Variants in TACC1 observed in about 807,000 individuals in gnomAD.
TACC1 encodes transforming acidic coiled-coil-containing protein 1.
A neutral mutation model predicts 84.4 loss-of-function variants in TACC1; 48 were observed. The observed-to-expected ratio is 0.57, with a 90% CI of 0.45 to 0.72. The LOEUF (loss-of-function observed/expected upper bound fraction) is 0.72, where lower values mean the gene tolerates loss of function less well. Among genes scored for constraint, TACC1 ranks in the 30% least tolerant of loss-of-function variants. The pLI is 0.00. For missense variants in TACC1, 920 were observed against 973.0 expected, an observed-to-expected ratio of 0.95 and a Z score of 0.72; for synonymous variants, 372 against 376.3, an observed-to-expected ratio of 0.99 and a Z score of 0.13.
chr8:38,842,587 A>C, intron 10 of TACC1, 140 bp downstream of exon 10: 1 of 967,266 alleles, frequency 1.0e-6, no homozygotes, highest in South Asian at 2.0e-5. Flanking sequence ...TGTATCCTCT[A>C]TTCCAGTGAA....
chr8:38,764,101 T>C (rs143962484), intron 3 of TACC1, among the ~76,000 whole-genome samples: 4,883 of 152,212 alleles, frequency 0.032, 263 homozygotes, highest in African/African-American at 0.11. Flanking sequence ...TTTTTGAGAC[T>C]GAATCTCACT....
intron 3 of TACC1, among the ~76,000 whole-genome samples, chr8:38,766,040 G>A (rs1812187310): frequency 1.3e-5 from 2 of 152,140 alleles, no homozygotes; most frequent in Admixed American, 1.3e-4. Context: ...TTTATTTTTT[G>A]TAATAATAGG....
chr8:38,820,184 A>G lies in TACC1; in HGVS notation c.940A>G (p.Arg314Gly), dbSNP rs1826401442. 2 of 1,614,130 alleles carry G rather than the reference A, an allele frequency of 1.2e-6. No homozygotes were observed. The highest frequency in any genetic ancestry group is 2.2e-5 in the East Asian group (1 of 44,878). The part of the protein sequence containing the change: ...DSGVELGEES[R>G]SSPLKLEFDF... ...AGGGGTTGAGCTGGGGGAGGAGTCG[A>G]GGAGCTCACCTCTCAAGCTTGAGTT... is the stretch of plus-strand genomic sequence containing the variant. The change falls in exon 3 of 13, where the codon AGG becomes GGG. Residue 314 changes from arginine (R) to glycine (G), a missense_variant. Transcript: ENST00000317827.
intron 3 of TACC1, among the ~76,000 whole-genome samples, chr8:38,760,083 G>C (rs1444266966): frequency 6.6e-6 from 1 of 151,796 alleles, no homozygotes; most frequent in Non-Finnish European, 1.5e-5. Flanking sequence ...ATCAATGCTG[G>C]CATTTGTCTT....
At chr8:38,748,337 G>A (rs1808430586) in intron 3 of TACC1, among the ~76,000 whole-genome samples, 1 of 151,884 alleles carries the variant, frequency 6.6e-6, no homozygotes, top group South Asian at 2.1e-4. Flanking sequence ...AGAATGAAAG[G>A]AAGAAATAGG....
intron 2 of TACC1, among the ~76,000 whole-genome samples, chr8:38,812,394 G>A (rs979108634): frequency 1.3e-5 from 2 of 152,050 alleles, no homozygotes; most frequent in South Asian, 2.1e-4. Flanking sequence ...TGTCACCCCC[G>A]GCGGCGGCCC....
chr8:38,825,346 T>G lies in TACC1; in HGVS notation c.1430T>G (p.Leu477Arg), dbSNP rs1386882460. 20 of 1,614,054 alleles carry G rather than the reference T, an allele frequency of 1.2e-5. No homozygotes were observed. The highest frequency in any genetic ancestry group is 1.7e-5 in the Non-Finnish European group (20 of 1,180,026). Reference protein sequence around the residue: ...CKVKKHETQSLALDACSRDEG... With the variant: ...CKVKKHETQSRALDACSRDEG... ...GTGAAGAAGCATGAAACTCAGTCTC[T>G]CGCCCTGGATGCATGTTCTCGGGTG... The change falls in exon 4 of 13, where the codon CTC becomes CGC. Residue 477 changes from leucine (L) to arginine (R), a missense_variant. This residue lies in a region of TACC1 where 762 missense variants were observed against 747.3 expected (regional missense o/e 1.02). Coordinates refer to ENST00000317827, the MANE Select transcript of TACC1 (RefSeq NM_006283.3).
chr8:38,790,018 T>G (rs1337923296), intron 2 of TACC1, among the ~76,000 whole-genome samples: 1 of 152,222 alleles, frequency 6.6e-6, no homozygotes, highest in African/African-American at 2.4e-5. Context: ...ACAGAAATTA[T>G]TCTCTCACAG....
intron 3 of TACC1, among the ~76,000 whole-genome samples, chr8:38,773,141 C>T (rs1222189822): frequency 6.6e-6 from 1 of 151,870 alleles, no homozygotes; most frequent in Non-Finnish European, 1.5e-5. Flanking sequence ...GCCTGACCAA[C>T]ATGGTGAAAC....
chr8:38,741,735 C>T (rs1290836092), intron 1 of TACC1, among the ~76,000 whole-genome samples: 3 of 152,168 alleles, frequency 2.0e-5, no homozygotes, highest in African/African-American at 7.2e-5. Context: ...ACTGCACCAG[C>T]TCACGACTAC....
intron 1 of TACC1, among the ~76,000 whole-genome samples, chr8:38,739,247 A>T (rs921083095): frequency 2.0e-5 from 3 of 152,212 alleles, no homozygotes; most frequent in Non-Finnish European, 1.5e-5. Flanking sequence ...ACTGATGTCT[A>T]TAACTCTAAT....
chr8:38,754,782 C>T (rs745487980), intron 3 of TACC1, among the ~76,000 whole-genome samples: 5 of 152,166 alleles, frequency 3.3e-5, no homozygotes, highest in Admixed American at 6.5e-5. Flanking sequence ...TTATGTCTAC[C>T]ATGTGTCAAC....
chr8:38,842,759 C>G (rs372341958), intron 10 of TACC1, among the ~76,000 whole-genome samples: 1 of 152,210 alleles, frequency 6.6e-6, no homozygotes, highest in African/African-American at 2.4e-5. Flanking sequence ...CAGGTGAATT[C>G]TAGAAATGTT....
At chr8:38,790,703 A>G (rs1313001181) in intron 2 of TACC1, among the ~76,000 whole-genome samples, 2 of 152,186 alleles carry the variant, frequency 1.3e-5, no homozygotes, top group African/African-American at 2.4e-5. Context: ...TGCATGATGG[A>G]GCTGGAATTA....
At chr8:38,795,624 A>G (rs1563550992) in intron 2 of TACC1, among the ~76,000 whole-genome samples, 1 of 152,226 alleles carries the variant, frequency 6.6e-6, no homozygotes, top group Non-Finnish European at 1.5e-5. Context: ...CTTGGAGGGT[A>G]TAAACCATTT....
chr8:38,755,753 A>AACGACGAC (rs1554496269), intron 3 of TACC1, among the ~76,000 whole-genome samples: 7 of 82,780 alleles, frequency 8.5e-5, no homozygotes, highest in African/African-American at 3.8e-4. Context: ...CAACAACAAC[A>AACGACGAC]GAGTGTTCCT....
At chr8:38,812,298 C>T (rs62506671) in intron 2 of TACC1, among the ~76,000 whole-genome samples, 1 of 151,904 alleles carries the variant, frequency 6.6e-6, no homozygotes, top group Non-Finnish European at 1.5e-5. Flanking sequence ...ACTCCCTGTT[C>T]GTACACCCCC....
At chr8:38,729,057 G>A (rs946340431) in intron 1 of TACC1, among the ~76,000 whole-genome samples, 3 of 149,664 alleles carry the variant, frequency 2.0e-5, no homozygotes, top group Admixed American at 6.7e-5. Flanking sequence ...CCCAGGAGCA[G>A]TCATAAATAC....
rs147591288 is a variant in TACC1 at position 38,731,347 on chromosome 8, A to G, written c.-675+2676A>G. Among the ~76,000 whole-genome samples the G allele has an allele frequency of 6.9e-4, 105 of 152,292 alleles. 1 individual carries two copies. Among genetic ancestry groups the G allele is most frequent in the South Asian group, 1.7e-3 (8 of 4,828 alleles). ...TTGGTCATCTTGGGCAAATTACACA[A>G]ACCTGTGTGCCTCAGTTTCTTCAAA... On this transcript the variant is annotated intron_variant, in intron 1 of 14. Coordinates refer to the TACC1 transcript ENST00000518415.
Sources: allele counts gnomAD v4.1 joint callset (sites outside exome capture counted in the v4.1 genomes callset), GRCh38; gene constraint gnomAD v4.1.1; regional missense constraint gnomAD v4.1.1; transcripts MANE v1.5; gene names NCBI Gene and HGNC (gene_info 2026-07-23, HGNC 2026-07-21).